MYH11: variants seen among roughly 807,000 people sequenced by gnomAD.
MYH11 encodes myosin heavy chain 11, also known as myosin-11.
Under a neutral mutation model 246.6 loss-of-function variants are expected in MYH11, and 80 were observed. That is an observed-to-expected ratio of 0.32 (90% CI 0.27 to 0.39). MYH11 has a LOEUF of 0.39. Among genes scored for constraint, MYH11 ranks in the 10% least tolerant of loss-of-function variants. The pLI, the probability that MYH11 is intolerant of heterozygous loss-of-function variation, is 1.00. For synonymous variants in MYH11, 1,071 were observed against 1,015.5 expected (o/e 1.05, Z -1.04); for missense variants, 2,158 against 2,546.8 (o/e 0.85, Z 3.29).
chr16:15,812,582 A>AAAAAAAG (rs2043165585), intron 3 of MYH11, among the ~76,000 whole-genome samples: 1 of 117,600 alleles, frequency 8.5e-6, no homozygotes, highest in Non-Finnish European at 1.8e-5. Context: ...AAAAAAAAAA[A>AAAAAAAG]GTTTTTTCAC....
In MYH11 at chr16:15,719,722, G is replaced by C; in HGVS notation, c.4954-9C>G. On this transcript the variant is annotated splice_polypyrimidine_tract_variant and intron_variant, in intron 34 of 40. Coordinates refer to ENST00000300036, the MANE Select transcript of MYH11 (RefSeq NM_002474.3). ...AAGTCCTTCATCTGAGCCTGCATGA[G>C]TCAACAGGGAGGACAAGCTCAGATG... The C allele has an allele frequency of 1.2e-6, 2 of 1,614,112 alleles. No individual in the cohort carries two copies. The highest frequency in any genetic ancestry group is 1.7e-6 in the Non-Finnish European group (2 of 1,180,028).
intron 6 of MYH11, among the ~76,000 whole-genome samples, chr16:15,779,840 G>T (rs1438533566): frequency 6.6e-6 from 1 of 152,210 alleles, no homozygotes; most frequent in African/African-American, 2.4e-5. Context: ...CCCTTTTCCT[G>T]TTTCCTCAAC....
chr16:15,748,260 C>T, intron 16 of MYH11, 92 bp from the exon 17 acceptor site: 8 of 1,583,408 alleles, frequency 5.1e-6, no homozygotes, highest in Non-Finnish European at 6.8e-6. Context: ...CCCACCTGGC[C>T]AGGCCATGAG....
At chr16:15,846,970 C>T (rs116730078) in intron 1 of MYH11, among the ~76,000 whole-genome samples, 1,974 of 152,152 alleles carry the variant, frequency 0.013, 48 homozygotes, top group African/African-American at 0.042. Context: ...AATATATCCT[C>T]TTGAAAATTC....
Position 15,748,070 on chromosome 16 carries a change from G to A in MYH11, c.2157C>T (p.Ile719=), listed in dbSNP as rs561099193. The A allele has an allele frequency of 7.4e-6, 12 of 1,614,188 alleles. No homozygotes were observed. Among genetic ancestry groups the A allele is most frequent in the African/African-American group, 4.0e-5 (3 of 75,052 alleles). ...RICRQGFPNR[I]VFQEFRQRYE... ...ACCGTTGGCGGAACTCCTGGAAGAC[G>A]ATCCGGTTGGGGAAGCCCTGCCGGC... Residue 719 remains isoleucine (I), a synonymous_variant, in exon 17 of 41, where the codon ATC becomes ATT. Coordinates refer to ENST00000300036, the MANE Select transcript of MYH11 (RefSeq NM_002474.3).
At chr16:15,752,689 G>C (rs2041603345) in intron 15 of MYH11, among the ~76,000 whole-genome samples, 1 of 152,190 alleles carries the variant, frequency 6.6e-6, no homozygotes, top group African/African-American at 2.4e-5. Flanking sequence ...GACCAGCCTG[G>C]CCAACATGGG....
chr16:15,743,550 C>T (rs529571965), intron 20 of MYH11, among the ~76,000 whole-genome samples: 1 of 152,208 alleles, frequency 6.6e-6, no homozygotes, highest in Non-Finnish European at 1.5e-5. Context: ...TGCTGTCCTT[C>T]CCTGGGCTGC....
At chr16:15,772,551 C>T (rs1461599764) in intron 8 of MYH11, among the ~76,000 whole-genome samples, 1 of 152,160 alleles carries the variant, frequency 6.6e-6, no homozygotes, top group Non-Finnish European at 1.5e-5. Flanking sequence ...TCTCTTTTAG[C>T]TGCTTTTTAT....
In MYH11 at chr16:15,731,860, C is replaced by T. The variant is rs1452698895; in HGVS notation, c.3651+704G>A. ...GCTAGAGTGCAGTGGCATGACAGGG[C>T]TCACTGCAGCCTCAACCTCCCAGGC... On this transcript the variant is annotated intron_variant, in intron 27 of 40. Transcript: ENST00000300036. Among the ~76,000 whole-genome samples the T allele has an allele frequency of 2.6e-5, 4 of 152,186 alleles. No individual in the cohort carries two copies. The East Asian group carries it at 7.7e-4, about 29-fold the overall frequency.
intron 36 of MYH11, 72 bp downstream of exon 36, chr16:15,719,148 A>T: frequency 6.9e-7 from 1 of 1,456,238 alleles, no homozygotes; most frequent in East Asian, 2.3e-5. Flanking sequence ...AAAAAATAAA[A>T]TGGGGGTCGA....
Position 15,703,597 on chromosome 16 carries a change from T to TG in MYH11, c.*393dup, listed in dbSNP as rs1382738022. 5 of 381,976 alleles carry TG rather than the reference T, an allele frequency of 1.3e-5. No homozygotes were observed. Among genetic ancestry groups the TG allele is most frequent in the Non-Finnish European group, 2.5e-5 (5 of 203,080 alleles). 23.7% of individuals were successfully genotyped at this position (381,976 alleles called of 1,614,324 possible). ...AATACAGGGGTAGTAGGGGTGGTGG[T>TG]GGTGGTGGTGGTTGAGACAGGGTCT... On this transcript the variant is annotated 3_prime_UTR_variant, in exon 41 of 41. Transcript: ENST00000300036.
In MYH11 at chr16:15,756,793, CT is replaced by C. The variant is rs60486632; in HGVS notation, c.1576-280del. Among the ~76,000 whole-genome samples the C allele has an allele frequency of 0.58, 49,391 of 84,492 alleles. 12,379 individuals carry two copies. Among genetic ancestry groups the C allele is most frequent in the Admixed American group, 0.67 (4,772 of 7,140 alleles). 55.4% of individuals were successfully genotyped at this position (84,492 alleles called of 152,430 possible). On this transcript the variant is annotated intron_variant, in intron 13 of 40. Coordinates refer to ENST00000300036, the MANE Select transcript of MYH11 (RefSeq NM_002474.3). Reference sequence around the variant, plus strand: ...GCAACATCATGAAGAGTTCATAACTCTTTTTTTTTTTTTTTTTTTTTTGAGA... The same window carrying C: ...GCAACATCATGAAGAGTTCATAACTCTTTTTTTTTTTTTTTTTTTTTGAGA...
At chr16:15,842,466 G>GAAAA (rs566454110) in intron 1 of MYH11, among the ~76,000 whole-genome samples, 1 of 151,542 alleles carries the variant, frequency 6.6e-6, no homozygotes, top group African/African-American at 2.4e-5. Context: ...CGTAGCTGAT[G>GAAAA]AAAAAAAAGT....
intron 26 of MYH11, 146 bp downstream of exon 26, chr16:15,735,220 T>G (rs991483506): frequency 3.8e-6 from 3 of 796,290 alleles, no homozygotes; most frequent in Non-Finnish European, 6.2e-6. Flanking sequence ...CAGCCAACCA[T>G]GCTTCTATAA....
At chr16:15,798,434 G>A (rs2042795394) in intron 4 of MYH11, among the ~76,000 whole-genome samples, 1 of 152,052 alleles carries the variant, frequency 6.6e-6, no homozygotes, top group South Asian at 2.1e-4. Flanking sequence ...AATGATAGCA[G>A]GTGTCATTAA....
intron 5 of MYH11, chr16:15,784,567 G>A (rs1366086142): frequency 8.7e-6 from 8 of 924,424 alleles, no homozygotes; most frequent in African/African-American, 1.7e-5. Context: ...ACTGATTTAA[G>A]TTGTGAAACT....
At chr16:15,706,125 C>T (rs1421892894) in intron 40 of MYH11, among the ~76,000 whole-genome samples, 1 of 152,100 alleles carries the variant, frequency 6.6e-6, no homozygotes, top group Non-Finnish European at 1.5e-5. Context: ...ATGGGACTTC[C>T]CGCAGTGCAG....
intron 27 of MYH11, among the ~76,000 whole-genome samples, chr16:15,728,213 AGT>A (rs2040855012): frequency 6.6e-6 from 1 of 152,190 alleles, no homozygotes; most frequent in East Asian, 1.9e-4. Context: ...TGGGTAACAG[AGT>A]GAGACTCCAT....
At chr16:15,782,296 T>C in intron 6 of MYH11, 89 bp downstream of exon 6, 1 of 1,132,858 alleles carries the variant, frequency 8.8e-7, no homozygotes, top group Non-Finnish European at 1.3e-6. Context: ...CAGATGCCCC[T>C]CCCACCTCTG....
Sources: allele counts gnomAD v4.1 joint callset (sites outside exome capture counted in the v4.1 genomes callset), GRCh38; gene constraint gnomAD v4.1.1; transcripts MANE v1.5; gene names NCBI Gene and HGNC (gene_info 2026-07-23, HGNC 2026-07-21).